The following MLIP variants were observed in gnomAD, a reference collection of about 807,000 sequenced individuals.
The protein encoded by MLIP is muscular LMNA-interacting protein.
A neutral mutation model predicts 84.8 loss-of-function variants in MLIP; 79 were observed. The observed-to-expected ratio is 0.93, with a 90% CI of 0.78 to 1.12. The LOEUF is 1.12. Ranked by LOEUF, MLIP falls within the 50% of genes most tolerant of loss-of-function variation. The pLI is 0.00. For missense variants in MLIP, 1,257 were observed against 1,160.6 expected, an observed-to-expected ratio of 1.08 and a Z score of -1.21; for synonymous variants, 504 against 463.0, an observed-to-expected ratio of 1.09 and a Z score of -1.14.
chr6:54,063,831 G>A (rs1053006567), intron 1 of MLIP, among the ~76,000 whole-genome samples: 5 of 151,948 alleles, frequency 3.3e-5, no homozygotes, highest in African/African-American at 9.7e-5. Context: ...TTTGTCCTTA[G>A]AGAATTCATT....
Position 54,117,668 on chromosome 6 carries a change from C to T in MLIP, c.97-3779C>T, listed in dbSNP as rs117424316. On this transcript the variant is annotated intron_variant, in intron 1 of 13. Coordinates refer to ENST00000502396, the MANE Select transcript of MLIP (RefSeq NM_001281747.2). Reference sequence around the variant, plus strand: ...TCTTATATATAAAAAATTTTAGGGCCGGGTGTGGTGGCTAACACCTGTAAT... The same window carrying T: ...TCTTATATATAAAAAATTTTAGGGCTGGGTGTGGTGGCTAACACCTGTAAT... 5.9e-3 allele frequency among the ~76,000 whole-genome samples: 894 copies of T among 150,954 alleles called. 62 individuals carry two copies. In the East Asian group the frequency reaches 0.15, roughly 25 times the overall value.
chr6:54,025,084 G>C (rs1421001689), intron 1 of MLIP, among the ~76,000 whole-genome samples: 3 of 151,512 alleles, frequency 2.0e-5, no homozygotes, highest in African/African-American at 7.3e-5. Context: ...CCTGGGCTCA[G>C]GCACTCTGCC....
intron 1 of MLIP, among the ~76,000 whole-genome samples, chr6:54,082,082 CATT>C (rs1409776424): frequency 2.6e-5 from 4 of 152,144 alleles, no homozygotes; most frequent in East Asian, 1.9e-4. Context: ...TTTCTTGAAA[CATT>C]ACTCATATGA....
intron 1 of MLIP, among the ~76,000 whole-genome samples, chr6:54,044,908 C>T (rs531921622): frequency 3.5e-4 from 53 of 152,226 alleles, no homozygotes; most frequent in African/African-American, 1.2e-3. Flanking sequence ...ATAGGCAGAA[C>T]CACAGTACAA....
At chr6:54,105,078 A>T (rs1768914977) in intron 1 of MLIP, among the ~76,000 whole-genome samples, 2 of 152,176 alleles carry the variant, frequency 1.3e-5, no homozygotes, top group Non-Finnish European at 2.9e-5. Context: ...TGCCCCTGAG[A>T]AAATAAGTGA....
chr6:54,195,684 C>T (rs991800876), intron 10 of MLIP, among the ~76,000 whole-genome samples: 7 of 152,056 alleles, frequency 4.6e-5, no homozygotes, highest in African/African-American at 1.4e-4. Context: ...CAGGCTTAGA[C>T]GAGTGTCTTA....
At chr6:54,093,328 A>AAATTC (rs1345519347) in intron 1 of MLIP, among the ~76,000 whole-genome samples, 22 of 81,432 alleles carry the variant, frequency 2.7e-4, no homozygotes, top group African/African-American at 9.6e-4. Flanking sequence ...ATTTTCGATT[A>AAATTC]AATTCTATTC....
At chr6:54,063,064 G>A (rs1302619439) in intron 1 of MLIP, among the ~76,000 whole-genome samples, 1 of 152,006 alleles carries the variant, frequency 6.6e-6, no homozygotes, top group African/African-American at 2.4e-5. Context: ...AAATTATCCG[G>A]TCGTGGTGGC....
intron 9 of MLIP, among the ~76,000 whole-genome samples, chr6:54,184,795 CTCTT>C (rs1777227482): frequency 6.6e-6 from 1 of 152,080 alleles, no homozygotes; most frequent in Admixed American, 6.5e-5. Context: ...GCCCATCTCT[CTCTT>C]TCTCTCATTA....
At chr6:54,219,204 CA>C (rs571709771) in intron 11 of MLIP, among the ~76,000 whole-genome samples, 2 of 145,916 alleles carry the variant, frequency 1.4e-5, no homozygotes, top group African/African-American at 5.1e-5. Context: ...GACTCCGTCT[CA>C]AAAAAAATAA....
Position 54,230,927 on chromosome 6 carries a change from C to G in MLIP, c.2922+10C>G. On this transcript the variant is annotated intron_variant, in intron 12 of 13. Coordinates refer to ENST00000502396, the MANE Select transcript of MLIP (RefSeq NM_001281747.2). ...CAACGCATGCAACAAGGTGAGAACT[C>G]CTCCCCAAAATGAGGACTATTCTAT... is the stretch of plus-strand genomic sequence containing the variant. 1 of 1,613,158 alleles carries G rather than the reference C, an allele frequency of 6.2e-7. No individual in the cohort carries two copies. Among genetic ancestry groups the G allele is most frequent in the South Asian group, 1.1e-5 (1 of 91,042 alleles).
chr6:54,061,463 T>C (rs1230346186), intron 1 of MLIP, among the ~76,000 whole-genome samples: 1 of 152,168 alleles, frequency 6.6e-6, no homozygotes, highest in African/African-American at 2.4e-5. Flanking sequence ...TTAAATGCAG[T>C]AGTATATGCC....
intron 1 of MLIP, among the ~76,000 whole-genome samples, chr6:54,074,278 G>T (rs1364241789): frequency 6.6e-6 from 1 of 152,188 alleles, no homozygotes; most frequent in East Asian, 1.9e-4. Flanking sequence ...ACACCTTGCA[G>T]ATGTGTGAAT....
At chr6:54,042,088 T>C (rs1347535247) in intron 1 of MLIP, among the ~76,000 whole-genome samples, 1 of 152,118 alleles carries the variant, frequency 6.6e-6, no homozygotes, top group East Asian at 1.9e-4. Context: ...CAGGTTCTTC[T>C]ACATAAGAAA....
chr6:54,191,447 T>C (rs922819760), intron 10 of MLIP, among the ~76,000 whole-genome samples: 34 of 152,158 alleles, frequency 2.2e-4, no homozygotes, highest in Admixed American at 3.3e-4. Context: ...TGCATTAGTG[T>C]CAATTGGTTT....
At chr6:54,075,039 G>T (rs1332136948) in intron 1 of MLIP, among the ~76,000 whole-genome samples, 1 of 151,910 alleles carries the variant, frequency 6.6e-6, no homozygotes, top group African/African-American at 2.4e-5. Flanking sequence ...CTTGAGGTCG[G>T]GAGTTCAAGA....
chr6:54,092,050 A>G (rs1767905431), intron 1 of MLIP, among the ~76,000 whole-genome samples: 1 of 152,166 alleles, frequency 6.6e-6, no homozygotes, highest in African/African-American at 2.4e-5. Context: ...TTTTTACAGC[A>G]TGACTTGACT....
At position 54,250,944 on chromosome 6, in the gene MLIP, T is replaced by C. The variant is rs77504772; in HGVS notation, c.2923-6364T>C. Among the ~76,000 whole-genome samples, 771 of 152,190 alleles carry C rather than the reference T, an allele frequency of 5.1e-3. 9 individuals are homozygous for C. The highest frequency in any genetic ancestry group is 0.027 in the Middle Eastern group (8 of 294). On this transcript the variant is annotated intron_variant, in intron 12 of 13. Transcript: ENST00000502396. Reference sequence around the variant, plus strand: ...ACACATTATTTTGTGTTTGGACTTATATATTCCTGATTATATAATTACTAT... The same window carrying C: ...ACACATTATTTTGTGTTTGGACTTACATATTCCTGATTATATAATTACTAT...
intron 1 of MLIP, among the ~76,000 whole-genome samples, chr6:54,024,248 G>C (rs1763672293): frequency 6.6e-6 from 1 of 152,208 alleles, no homozygotes; most frequent in Non-Finnish European, 1.5e-5. Context: ...CTGACCTCAG[G>C]TAATTCGCCC....
Sources: gnomAD v4.1 joint callset for allele counts (sites outside exome capture counted in the v4.1 genomes callset) on GRCh38, gnomAD v4.1.1 for gene constraint, MANE v1.5 for transcripts, NCBI Gene and HGNC (gene_info 2026-07-23, HGNC 2026-07-21) for gene names.